Variants in AFDN observed in about 807,000 individuals in gnomAD.
AFDN encodes the protein afadin, adherens junction formation factor.
Under a neutral mutation model 216.6 loss-of-function variants are expected in AFDN, and 68 were observed. That is an observed-to-expected ratio of 0.31 (90% CI 0.26 to 0.38). The LOEUF is 0.38. Ranked by LOEUF, AFDN falls within the 10% of genes least tolerant of loss-of-function variation. The probability of loss-of-function intolerance (pLI) is 1.00; values close to 1 mark genes in which losing one functional copy is unlikely to be tolerated. For missense variants in AFDN, 2,136 were observed against 2,342.0 expected, an observed-to-expected ratio of 0.91 and a Z score of 1.82; for synonymous variants, 868 against 853.7, an observed-to-expected ratio of 1.02 and a Z score of -0.29.
chr6:167,829,394 A>G (rs565013491), intron 1 of AFDN, among the ~76,000 whole-genome samples: 3 of 152,242 alleles, frequency 2.0e-5, no homozygotes, highest in African/African-American at 7.2e-5. Flanking sequence ...TCTCTCAGCC[A>G]GTATTTCAAG....
At chr6:167,942,742 C>CT (rs1173596543) in intron 23 of AFDN, among the ~76,000 whole-genome samples, 3 of 152,128 alleles carry the variant, frequency 2.0e-5, no homozygotes, top group African/African-American at 7.2e-5. Flanking sequence ...AAATCTTAAA[C>CT]TATACGTATG....
intron 4 of AFDN, among the ~76,000 whole-genome samples, chr6:167,873,950 A>G (rs915611643): frequency 2.6e-5 from 4 of 152,222 alleles, no homozygotes; most frequent in Non-Finnish European, 5.9e-5. Context: ...GGGGGTTTAG[A>G]TATGAATCTA....
At position 167,929,153 on chromosome 6, in the gene AFDN, TTAAAA is replaced by T. The variant is rs375376020; in HGVS notation, c.3099+4066_3099+4070del. ...TTAGTATGAAAGTGGTGTCTAATAGTTAAAATAATATTTCAGAAAGACTATTACTG... is the reference window on the plus strand; with the variant it reads ...TTAGTATGAAAGTGGTGTCTAATAGTTAATATTTCAGAAAGACTATTACTG... On this transcript the variant is annotated intron_variant, in intron 23 of 33. Coordinates refer to ENST00000683244, the MANE Select transcript of AFDN (RefSeq NM_001386888.1). 7.7e-4 allele frequency among the ~76,000 whole-genome samples: 117 copies of T among 152,208 alleles called. No individual in the cohort carries two copies. The Middle Eastern group carries it at 0.01, about 13-fold the overall frequency.
At chr6:167,899,680 G>T (rs1036323591) in intron 11 of AFDN, among the ~76,000 whole-genome samples, 3 of 152,290 alleles carry the variant, frequency 2.0e-5, no homozygotes, top group African/African-American at 7.2e-5. Flanking sequence ...CTGACTCCCT[G>T]TTTATTTTTT....
At chr6:167,930,535 T>G (rs1793153536) in intron 23 of AFDN, among the ~76,000 whole-genome samples, 1 of 152,170 alleles carries the variant, frequency 6.6e-6, no homozygotes, top group Admixed American at 6.5e-5. Context: ...CAGCGGGCCC[T>G]GTGCACAGGC....
intron 5 of AFDN, 113 bp downstream of exon 5, chr6:167,875,608 A>G (rs1379474764): frequency 1.8e-6 from 2 of 1,106,130 alleles, no homozygotes; most frequent in Non-Finnish European, 2.6e-6. Flanking sequence ...TAACCTTTTC[A>G]TAACAAATGT....
rs1317536757 is a variant in AFDN, at chr6:167,898,330, C to G, written c.1443C>G (p.Thr481=). The change falls in exon 11 of 34, where the codon ACC becomes ACG. Residue 481 remains threonine, a synonymous_variant. Coordinates refer to ENST00000683244, the MANE Select transcript of AFDN (RefSeq NM_001386888.1). ...YVEGQRISET[T]MLQSGMKVQF... Reference sequence around the variant, plus strand: ...AAGGCCAGCGCATCTCAGAAACCACCATGCTGCAGAGTGGCATGAAAGTGC... The same window carrying G: ...AAGGCCAGCGCATCTCAGAAACCACGATGCTGCAGAGTGGCATGAAAGTGC... The G allele has an allele frequency of 5.0e-6, 8 of 1,613,988 alleles. No individual in the cohort carries two copies. In the South Asian group the frequency reaches 8.8e-5, roughly 18 times the overall value.
In AFDN at chr6:167,891,421, G is replaced by GTGTGTA. The variant is rs1286779659; in HGVS notation, c.1177+397_1177+398insATGTGT. 2.0e-4 allele frequency among the ~76,000 whole-genome samples: 30 copies of GTGTGTA among 150,600 alleles called. No homozygotes were observed. The East Asian group carries it at 5.9e-3, about 29-fold the overall frequency. ...CATAAAGGGGTGGGTGTGTGTGTGTGTGTGTGTGTGTGTGTGTGTGTGTGT... is the reference window on the plus strand; with the variant it reads ...CATAAAGGGGTGGGTGTGTGTGTGTGTGTGTATGTGTGTGTGTGTGTGTGTGTGTGT... On this transcript the variant is annotated intron_variant, in intron 8 of 33. Transcript: ENST00000683244.
rs141864818 is a variant in AFDN, at chr6:167,892,817, T to G, written c.1178-1045T>G. On this transcript the variant is annotated intron_variant, in intron 8 of 33. Transcript: ENST00000683244. Reference sequence around the variant, plus strand: ...CAGGTAATCAAATACATAGAATTTTTTTTTGTAGGTGTGGAGTAGATCACA... The same window carrying G: ...CAGGTAATCAAATACATAGAATTTTGTTTTGTAGGTGTGGAGTAGATCACA... 1.2e-3 allele frequency among the ~76,000 whole-genome samples: 178 copies of G among 152,306 alleles called. 3 individuals carry two copies. The highest frequency in any genetic ancestry group is 4.3e-3 in the African/African-American group (177 of 41,562).
chr6:167,914,230 C>G lies in AFDN; in HGVS notation c.2121C>G (p.Asn707Lys). 1 of 1,614,176 alleles carries G rather than the reference C, an allele frequency of 6.2e-7. No homozygotes were observed. The highest frequency in any genetic ancestry group is 8.5e-7 in the Non-Finnish European group (1 of 1,180,022). ...TGGCAAATGCATCTGAACTTCTCAA[C>G]TTCATTAAGCAAGACCGAGACCTTA... is the stretch of plus-strand genomic sequence containing the variant. ...FWMANASELL[N>K]FIKQDRDLSR... Residue 707 changes from asparagine to lysine, a missense_variant, in exon 17 of 34, where the codon AAC becomes AAG. Coordinates refer to ENST00000683244, the MANE Select transcript of AFDN (RefSeq NM_001386888.1).
chr6:167,867,432 CTT>C (rs766749834), intron 2 of AFDN, among the ~76,000 whole-genome samples: 16 of 137,134 alleles, frequency 1.2e-4, no homozygotes, highest in Non-Finnish European at 1.3e-4. Flanking sequence ...TTTTTCTTTT[CTT>C]TTTTTTTTTT....
intron 11 of AFDN, among the ~76,000 whole-genome samples, chr6:167,900,180 T>TTA (rs1788765113): frequency 6.6e-6 from 1 of 152,238 alleles, no homozygotes; most frequent in Non-Finnish European, 1.5e-5. Context: ...CATCCATAAA[T>TTA]TAGAAAGGAC....
At chr6:167,892,309 C>T (rs1296015238) in intron 8 of AFDN, among the ~76,000 whole-genome samples, 2 of 152,144 alleles carry the variant, frequency 1.3e-5, no homozygotes, top group Non-Finnish European at 2.9e-5. Context: ...AAACACATCC[C>T]AGTATTGTTG....
chr6:167,827,337 CT>C (rs1451160365), intron 1 of AFDN, 100 bp downstream of exon 1: 1 of 140,768 alleles, frequency 7.1e-6, no homozygotes, highest in East Asian at 1.0e-3. Context: ...ACCCGCCCTC[CT>C]TTCCCCCTCC....
intron 8 of AFDN, 66 bp downstream of exon 8, chr6:167,891,095 T>G: frequency 7.6e-7 from 1 of 1,308,796 alleles, no homozygotes; most frequent in South Asian, 2.0e-5. Flanking sequence ...TCTTTGTACT[T>G]TCTAATGCAT....
intron 32 of AFDN, among the ~76,000 whole-genome samples, chr6:167,967,926 G>C (rs1036608922): frequency 6.6e-6 from 1 of 152,180 alleles, no homozygotes; most frequent in African/African-American, 2.4e-5. Context: ...GAGAGGAGCA[G>C]CATTAGGATG....
chr6:167,873,632 C>CA (rs1332589029), intron 4 of AFDN, among the ~76,000 whole-genome samples: 1 of 152,130 alleles, frequency 6.6e-6, no homozygotes. Flanking sequence ...CAGACAGCCC[C>CA]GTACTGTCAT....
chr6:167,917,351 A>C, intron 20 of AFDN, 119 bp downstream of exon 20: 1 of 1,127,154 alleles, frequency 8.9e-7, no homozygotes, highest in Non-Finnish European at 1.2e-6. Context: ...TCATCTTACA[A>C]GATCATTTTC....
chr6:167,957,975 G>T (rs978552716), intron 30 of AFDN, among the ~76,000 whole-genome samples: 5 of 152,132 alleles, frequency 3.3e-5, no homozygotes, highest in Non-Finnish European at 7.3e-5. Context: ...GAGAGCCAGG[G>T]TCCCCAAACC....
Sources: allele counts gnomAD v4.1 joint callset (sites outside exome capture counted in the v4.1 genomes callset), GRCh38; gene constraint gnomAD v4.1.1; transcripts MANE v1.5; gene names NCBI Gene and HGNC (gene_info 2026-07-23, HGNC 2026-07-21).